Variants in ZNF566 observed in about 807,000 individuals in gnomAD.
ZNF566 encodes zinc finger protein 566.
ZNF566 carries 27 observed loss-of-function variants against 32.8 expected under a neutral mutation model. The ratio of observed to expected loss-of-function variants is 0.82; its 90% CI spans 0.61 to 1.14. The LOEUF is 1.14. Among genes scored for constraint, ZNF566 ranks in the 50% most tolerant of loss-of-function variants. The pLI is 0.00. For missense variants in ZNF566, 402 were observed against 490.4 expected (o/e 0.82, Z 1.70); for synonymous variants, 154 against 159.5 (o/e 0.97, Z 0.26).
chr19:36,488,159 T>C (rs1006352791), intron 1 of ZNF566, among the ~76,000 whole-genome samples: 1 of 152,126 alleles, frequency 6.6e-6, no homozygotes, highest in African/African-American at 2.4e-5. Flanking sequence ...CATGGCTTCC[T>C]GCAGCTGCAA....
At chr19:36,463,539 T>C (rs1432064552) in intron 4 of ZNF566, among the ~76,000 whole-genome samples, 4 of 128,070 alleles carry the variant, frequency 3.1e-5, no homozygotes, top group African/African-American at 5.9e-5. Flanking sequence ...TGTAATTTCT[T>C]TTTTTTTTTT....
Position 36,470,379 on chromosome 19 carries a change from C to T in ZNF566, c.232+2532G>A, listed in dbSNP as rs577531100. On this transcript the variant is annotated intron_variant, in intron 4 of 4. Coordinates refer to ENST00000452939, the MANE Select transcript of ZNF566 (RefSeq NM_001145344.1). Reference sequence around the variant, plus strand: ...ATTACAAAGCCCATTCTTCCACAGGCTCTCCCTAAAAAGCATGAATCCTTT... The same window carrying T: ...ATTACAAAGCCCATTCTTCCACAGGTTCTCCCTAAAAAGCATGAATCCTTT... 6.6e-5 allele frequency among the ~76,000 whole-genome samples: 10 copies of T among 152,298 alleles called. No homozygotes were observed. The South Asian group carries it at 1.9e-3, about 28-fold the overall frequency.
At chr19:36,488,335 T>A (rs1355535750) in intron 1 of ZNF566, among the ~76,000 whole-genome samples, 1 of 152,172 alleles carries the variant, frequency 6.6e-6, no homozygotes, top group Non-Finnish European at 1.5e-5. Context: ...CCTCAAGTGA[T>A]CCTCTCACCT....
At chr19:36,479,742 C>A (rs2033979521) in intron 1 of ZNF566, among the ~76,000 whole-genome samples, 1 of 152,248 alleles carries the variant, frequency 6.6e-6, no homozygotes, top group African/African-American at 2.4e-5. Flanking sequence ...TCAAGGGATT[C>A]TCCCACCCCA....
At chr19:36,482,843 T>G (rs1568533058) in intron 1 of ZNF566, among the ~76,000 whole-genome samples, 1 of 152,218 alleles carries the variant, frequency 6.6e-6, no homozygotes, top group Non-Finnish European at 1.5e-5. Context: ...TAAGTGTTTT[T>G]GTTCTGCACT....
In ZNF566 at chr19:36,445,705, G is replaced by T. The variant is rs2032977214; in HGVS notation, c.*3272C>A. ...GTAGTGGCATATACCTGTAACCCCAGCTACTTGGGAGGCTGAGGCAGGAGA... is the reference window on the plus strand; with the variant it reads ...GTAGTGGCATATACCTGTAACCCCATCTACTTGGGAGGCTGAGGCAGGAGA... On this transcript the variant is annotated 3_prime_UTR_variant, in exon 5 of 5. Transcript: ENST00000452939. 6.6e-6 allele frequency: 1 copy of T among 152,184 alleles called. No homozygotes were observed. The allele number at this position is 152,184 out of a possible 1,614,324, so 9.4% of individuals were successfully genotyped here.
intron 4 of ZNF566, among the ~76,000 whole-genome samples, chr19:36,451,779 G>C (rs756158234): frequency 6.6e-6 from 1 of 152,132 alleles, no homozygotes; most frequent in Non-Finnish European, 1.5e-5. Context: ...GGGCCGAGGC[G>C]GGCCGATCAC....
intron 1 of ZNF566, among the ~76,000 whole-genome samples, chr19:36,489,196 A>T (rs2034247933): frequency 6.6e-6 from 1 of 152,180 alleles, no homozygotes; most frequent in South Asian, 2.1e-4. Context: ...AAACGCAGTA[A>T]CACTCAACCA....
At chr19:36,454,835 A>G (rs769177387) in intron 4 of ZNF566, among the ~76,000 whole-genome samples, 11 of 152,054 alleles carry the variant, frequency 7.2e-5, no homozygotes, top group Non-Finnish European at 1.5e-4. Context: ...TTCTCCTCAA[A>G]CTCTTCCAAA....
In ZNF566 at chr19:36,447,038, A is replaced by G. The variant is rs1340192213; in HGVS notation, c.*1939T>C. ...CTGTGGACTTTTTTTTTTTTTTTTT[A>G]ATAGTCTCATTCTGTCGCTCAGGCT... On this transcript the variant is annotated 3_prime_UTR_variant, in exon 5 of 5. Coordinates refer to ENST00000452939, the MANE Select transcript of ZNF566 (RefSeq NM_001145344.1). 6.9e-6 allele frequency: 1 copy of G among 144,796 alleles called. No homozygotes were observed. The highest frequency in any genetic ancestry group is 1.5e-5 in the Non-Finnish European group (1 of 66,470). 9.0% of individuals were successfully genotyped at this position (144,796 alleles called of 1,614,324 possible). A position where few individuals can be genotyped will look rare whatever the true frequency, so the allele number is the denominator to read the frequency against.
At chr19:36,463,435 GC>G (rs1327713440) in intron 4 of ZNF566, among the ~76,000 whole-genome samples, 2 of 151,518 alleles carry the variant, frequency 1.3e-5, no homozygotes, top group Non-Finnish European at 2.9e-5. Context: ...CATCAAGAAG[GC>G]CTAAATAAAT....
chr19:36,459,470 C>T (rs1319148179), intron 4 of ZNF566, among the ~76,000 whole-genome samples: 1 of 151,886 alleles, frequency 6.6e-6, no homozygotes, highest in African/African-American at 2.4e-5. Context: ...ACCTGGGCCT[C>T]CCAAAGTGCT....
In ZNF566 at chr19:36,449,376, T is replaced by C; in HGVS notation, c.858A>G (p.Lys286=). ...CACTACTAAAGGCCTTCCCGCATTCTTTGCATTCATAAGGCTTCTCACCTG... is the reference window on the plus strand; with the variant it reads ...CACTACTAAAGGCCTTCCCGCATTCCTTGCATTCATAAGGCTTCTCACCTG... ...IHTGEKPYEC[K]ECGKAFSSGS... Residue 286 remains lysine (K), a synonymous_variant, in exon 5 of 5, where the codon AAA becomes AAG. Coordinates refer to ENST00000452939, the MANE Select transcript of ZNF566 (RefSeq NM_001145344.1). The C allele has an allele frequency of 6.2e-7, 1 of 1,614,062 alleles. No homozygotes were observed. Among genetic ancestry groups the C allele is most frequent in the Non-Finnish European group, 8.5e-7 (1 of 1,180,006 alleles).
At chr19:36,452,385 CA>C (rs2145637337) in intron 4 of ZNF566, among the ~76,000 whole-genome samples, 1 of 151,364 alleles carries the variant, frequency 6.6e-6, no homozygotes, top group African/African-American at 2.4e-5. Flanking sequence ...GTCTGAATTC[CA>C]GACTTTTTAA....
intron 4 of ZNF566, among the ~76,000 whole-genome samples, chr19:36,471,193 G>A (rs550074450): frequency 4.7e-4 from 68 of 145,124 alleles, no homozygotes; most frequent in African/African-American, 8.2e-4. Flanking sequence ...CAGCTTGGGC[G>A]ACAGAGCGAG....
chr19:36,457,602 C>A (rs1003657840), intron 4 of ZNF566, among the ~76,000 whole-genome samples: 11 of 152,156 alleles, frequency 7.2e-5, no homozygotes, highest in Non-Finnish European at 1.2e-4. Context: ...AATGAAATAT[C>A]ACCTCATTGC....
chr19:36,486,793 G>A (rs2034173914), intron 1 of ZNF566, among the ~76,000 whole-genome samples: 1 of 151,756 alleles, frequency 6.6e-6, no homozygotes, highest in African/African-American at 2.4e-5. Context: ...AAAAGGTGCT[G>A]AACATCATTT....
chr19:36,466,930 G>C (rs1390597708), intron 4 of ZNF566, among the ~76,000 whole-genome samples: 1 of 150,060 alleles, frequency 6.7e-6, no homozygotes, highest in East Asian at 2.0e-4. Context: ...TTAGCCGGGC[G>C]AGGTGGCAGG....
rs1272071610 is a variant in ZNF566, at chr19:36,449,899, T to A, written c.335A>T (p.Asp112Val). ...WEIMEKLTRR[D>V]FQCSSFRDDW... ...ATCTCTGAAACTGGAGCACTGAAAATCACGTCTTGTGAGTTTTTCCATTAT... is the reference window on the plus strand; with the variant it reads ...ATCTCTGAAACTGGAGCACTGAAAAACACGTCTTGTGAGTTTTTCCATTAT... The change falls in exon 5 of 5, where the codon GAT becomes GTT. Residue 112 changes from aspartate to valine, a missense_variant. Asp to Val is a radical substitution (Grantham distance 152). Coordinates refer to ENST00000452939, the MANE Select transcript of ZNF566 (RefSeq NM_001145344.1). 1.2e-6 allele frequency: 2 copies of A among 1,613,972 alleles called. No homozygotes were observed. Among genetic ancestry groups the A allele is most frequent in the African/African-American group, 2.7e-5 (2 of 74,918 alleles).
Sources: gnomAD v4.1 joint callset for allele counts (sites outside exome capture counted in the v4.1 genomes callset) on GRCh38, gnomAD v4.1.1 for gene constraint, MANE v1.5 for transcripts, NCBI Gene and HGNC (gene_info 2026-07-23, HGNC 2026-07-21) for gene names.